Variants in EPG5 observed in about 807,000 individuals in gnomAD.
EPG5 encodes ectopic P-granules 5 autophagy tethering factor.
In EPG5, 159 loss-of-function variants were observed where a neutral mutation model predicts 302.7. The observed-to-expected ratio is 0.53, with a 90% confidence interval of 0.46 to 0.60. The LOEUF (loss-of-function observed/expected upper bound fraction) is 0.60, where lower values mean the gene tolerates loss of function less well. Among genes scored for constraint, EPG5 ranks in the 20% least tolerant of loss-of-function variants. EPG5 has a pLI of 0.00. For synonymous variants in EPG5, 1,158 were observed against 1,136.8 expected, an observed-to-expected ratio of 1.02 and a Z score of -0.37; for missense variants, 2,896 against 3,092.4, an observed-to-expected ratio of 0.94 and a Z score of 1.51.
chr18:45,812,029 G>A, the EPG5 span, among the ~76,000 whole-genome samples: 2 of 152,154 alleles, frequency 1.3e-5, no homozygotes, highest in Non-Finnish European at 2.9e-5. Flanking sequence ...CATCGTCTCA[G>A]CCCAAAATCT....
chr18:45,874,842 G>C (rs1199528400), intron 35 of EPG5, among the ~76,000 whole-genome samples: 1 of 152,212 alleles, frequency 6.6e-6, no homozygotes, highest in East Asian at 1.9e-4. Flanking sequence ...AAAACACCAT[G>C]GGCCAGAAGC....
downstream of EPG5, among the ~76,000 whole-genome samples, chr18:45,845,315 G>A (rs2048354919): frequency 6.6e-6 from 1 of 152,248 alleles, no homozygotes; most frequent in African/African-American, 2.4e-5. Context: ...GAGGCTGTGG[G>A]AAGCATGTTG....
intron 43 of EPG5, among the ~76,000 whole-genome samples, chr18:45,854,803 G>A (rs773740039): frequency 5.3e-5 from 8 of 152,216 alleles, no homozygotes; most frequent in Non-Finnish European, 1.2e-4. Context: ...CAAGGCTGCA[G>A]TGAGATATGA....
chr18:45,907,638 T>C (rs1409462414), intron 24 of EPG5, among the ~76,000 whole-genome samples: 1 of 152,134 alleles, frequency 6.6e-6, no homozygotes, highest in Non-Finnish European at 1.5e-5. Context: ...GTAGAGATAA[T>C]TGCTTAAAGG....
the EPG5 span, among the ~76,000 whole-genome samples, chr18:45,820,939 T>G: frequency 1.3e-5 from 2 of 152,236 alleles, no homozygotes; most frequent in African/African-American, 4.8e-5. Flanking sequence ...ACAACGTACA[T>G]GAGGTATATG....
chr18:45,820,579 C>T, the EPG5 span, among the ~76,000 whole-genome samples: 2 of 151,916 alleles, frequency 1.3e-5, no homozygotes, highest in Admixed American at 1.3e-4. Flanking sequence ...TCTGCCATTC[C>T]TCCTTGCTGC....
intron 35 of EPG5, among the ~76,000 whole-genome samples, chr18:45,871,737 T>C (rs777345882): frequency 6.6e-6 from 1 of 152,062 alleles, no homozygotes; most frequent in African/African-American, 2.4e-5. Flanking sequence ...GTTGAACTCA[T>C]TGAAGTAGAG....
At chr18:45,892,762 C>G (rs934641061) in intron 27 of EPG5, among the ~76,000 whole-genome samples, 1 of 152,166 alleles carries the variant, frequency 6.6e-6, no homozygotes, top group Non-Finnish European at 1.5e-5. Context: ...ATAGCTCAGA[C>G]GCTTGCAGAT....
intron 35 of EPG5, 29 bp downstream of exon 35, chr18:45,876,207 T>C: frequency 2.7e-6 from 4 of 1,504,078 alleles, no homozygotes; most frequent in Non-Finnish European, 3.7e-6. Flanking sequence ...AAATGAAAAC[T>C]AAGCAGAGAC....
In EPG5 at chr18:45,943,288, T is replaced by C. The variant is rs2050711394; in HGVS notation, c.1816A>G (p.Arg606Gly). 5 of 1,614,098 alleles carry C rather than the reference T, an allele frequency of 3.1e-6. No homozygotes were observed. The highest frequency in any genetic ancestry group is 4.2e-6 in the Non-Finnish European group (5 of 1,179,946). The change falls in exon 9 of 44, where the codon AGA becomes GGA. Residue 606 changes from arginine (R) to glycine (G), a missense_variant. This residue lies in a region of EPG5 where 1,390 missense variants were observed against 1,430.0 expected (regional missense o/e 0.97). Transcript: ENST00000282041. ...AKGDYLPETTRPQEMMKIFAF... is the reference protein window; with the variant it reads ...AKGDYLPETTGPQEMMKIFAF... The stretch of plus-strand genomic sequence containing the variant: ...AAAATTTTCATCATCTCTTGAGGTC[T>C]TGTTGTTTCAGGTAAATAATCACCT...
At chr18:45,858,116 A>C in intron 41 of EPG5, 48 bp from the exon 42 acceptor site, 1 of 1,444,462 alleles carries the variant, frequency 6.9e-7, no homozygotes, top group African/African-American at 1.4e-5. Context: ...AATTTTTCCC[A>C]CTCCCATTTA....
chr18:45,804,513 T>C, the EPG5 span, among the ~76,000 whole-genome samples: 3 of 152,192 alleles, frequency 2.0e-5, no homozygotes, highest in East Asian at 1.9e-4. Flanking sequence ...GTCAAAAGCA[T>C]GCAGAGAAAA....
intron 1 of EPG5, among the ~76,000 whole-genome samples, chr18:45,966,772 G>A (rs1458104923): frequency 1.3e-5 from 2 of 152,210 alleles, no homozygotes; most frequent in Admixed American, 6.5e-5. Flanking sequence ...CCGCGTGGAG[G>A]AGGGGAACAT....
rs139580572 is a variant in EPG5 at position 45,927,935 on chromosome 18, T to C, written c.2553+934A>G. Reference sequence around the variant, plus strand: ...TGGGCCAGGCACGGTGGCTCATGCCTGTAATCCCAGCACTTTGGGAGACCG... The same window carrying C: ...TGGGCCAGGCACGGTGGCTCATGCCCGTAATCCCAGCACTTTGGGAGACCG... On this transcript the variant is annotated intron_variant, in intron 13 of 43. Coordinates refer to ENST00000282041, the MANE Select transcript of EPG5 (RefSeq NM_020964.3). Among the ~76,000 whole-genome samples, 217 of 152,276 alleles carry C rather than the reference T, an allele frequency of 1.4e-3. 2 individuals are homozygous for C. In the East Asian group the frequency reaches 0.014, roughly 10 times the overall value.
the EPG5 span, among the ~76,000 whole-genome samples, chr18:45,835,520 A>G: frequency 6.6e-6 from 1 of 152,232 alleles, no homozygotes; most frequent in African/African-American, 2.4e-5. Flanking sequence ...GAGAAAAAAT[A>G]AAAGGCCATG....
intron 31 of EPG5, among the ~76,000 whole-genome samples, chr18:45,881,947 C>T (rs1196314266): frequency 1.3e-5 from 2 of 152,194 alleles, no homozygotes; most frequent in South Asian, 4.1e-4. Flanking sequence ...CTGTCGTCTG[C>T]AGAGTAAGCC....
rs1386787074 is a variant in EPG5 at position 45,848,646 on chromosome 18, G to A, written c.*3821C>T. On this transcript the variant is annotated 3_prime_UTR_variant, in exon 44 of 44. Coordinates refer to ENST00000282041, the MANE Select transcript of EPG5 (RefSeq NM_020964.3). ...CAAGCAAGCACCAACTTAAATGTAT[G>A]CCCCAGGTGCCTCATTTGTCTCACC... 1 of 152,286 alleles carries A rather than the reference G, an allele frequency of 6.6e-6. No homozygotes were observed. The highest frequency in any genetic ancestry group is 2.4e-5 in the African/African-American group (1 of 41,466). The allele number at this position is 152,286 out of a possible 1,614,324, so 9.4% of individuals were successfully genotyped here. A position where few individuals can be genotyped will look rare whatever the true frequency, so the allele number is the denominator to read the frequency against.
chr18:45,819,239 A>G, the EPG5 span, among the ~76,000 whole-genome samples: 2 of 152,226 alleles, frequency 1.3e-5, no homozygotes. Flanking sequence ...TGGATTAAGA[A>G]TTGAGAAGAA....
chr18:45,933,179 G>T (rs540637228), intron 11 of EPG5, among the ~76,000 whole-genome samples: 1 of 152,098 alleles, frequency 6.6e-6, no homozygotes, highest in African/African-American at 2.4e-5. Context: ...TAGCTCACTC[G>T]TAAGCCCAGG....
Sources: allele counts gnomAD v4.1 joint callset (sites outside exome capture counted in the v4.1 genomes callset), GRCh38; gene constraint gnomAD v4.1.1; regional missense constraint gnomAD v4.1.1; transcripts MANE v1.5; gene names NCBI Gene and HGNC (gene_info 2026-07-23, HGNC 2026-07-21).